Variants in VPS8 observed in about 807,000 individuals in gnomAD.
VPS8 encodes the protein vacuolar protein sorting-associated protein 8 homolog.
VPS8 carries 129 observed loss-of-function variants against 216.4 expected under a neutral mutation model. The observed-to-expected ratio is 0.60, with a 90% confidence interval of 0.52 to 0.69. The LOEUF (loss-of-function observed/expected upper bound fraction) is 0.69. Ranked by LOEUF, VPS8 falls within the 30% of genes least tolerant of loss-of-function variation. The probability of loss-of-function intolerance (pLI) is 0.00; values close to 1 mark genes in which losing one functional copy is unlikely to be tolerated. For synonymous variants in VPS8, 571 were observed against 565.4 expected, an observed-to-expected ratio of 1.01 and a Z score of -0.14; for missense variants, 1,531 against 1,683.5, an observed-to-expected ratio of 0.91 and a Z score of 1.59.
chr3:185,032,909 C>T (rs577402632), intron 46 of VPS8, among the ~76,000 whole-genome samples: 4 of 152,110 alleles, frequency 2.6e-5, no homozygotes, highest in East Asian at 3.9e-4. Flanking sequence ...CCTCGTGATC[C>T]GCCTGCCTGG....
chr3:184,904,560 T>C (rs1560607230), intron 25 of VPS8, among the ~76,000 whole-genome samples: 3 of 152,244 alleles, frequency 2.0e-5, no homozygotes, highest in Admixed American at 2.0e-4. Flanking sequence ...GTATATAATC[T>C]TTTAAATATG....
In VPS8 at chr3:184,849,193, C is replaced by G. The variant is rs758865547; in HGVS notation, c.664C>G (p.Gln222Glu). ...SRLLCGFAKG[Q>E]ITMWDLASGK... The stretch of plus-strand genomic sequence containing the variant: ...ACTTCTTTGTGGCTTTGCTAAAGGA[C>G]AGGTAAGATATGAACCTCCTTTAAT... Residue 222 changes from glutamine (Q) to glutamate (E), a missense_variant and splice_region_variant, in exon 9 of 48, where the codon CAG becomes GAG. Physicochemically the swap from Gln to Glu is conservative, Grantham distance 29. Coordinates refer to ENST00000625842, the MANE Select transcript of VPS8 (RefSeq NM_001009921.3). The G allele has an allele frequency of 6.2e-7, 1 of 1,612,754 alleles. No individual in the cohort carries two copies. Among genetic ancestry groups the G allele is most frequent in the Non-Finnish European group, 8.5e-7 (1 of 1,179,142 alleles).
chr3:184,886,518 CAT>C (rs1392608086), intron 22 of VPS8, among the ~76,000 whole-genome samples: 6 of 144,546 alleles, frequency 4.2e-5, no homozygotes, highest in South Asian at 2.2e-4. Context: ...TACACACACA[CAT>C]ACACATATAC....
At chr3:184,859,561 C>T (rs1725890747) in intron 14 of VPS8, among the ~76,000 whole-genome samples, 3 of 152,130 alleles carry the variant, frequency 2.0e-5, no homozygotes, top group African/African-American at 7.2e-5. Context: ...TTTTTGAGTC[C>T]TCTCATAATA....
chr3:184,884,371 C>T (rs1161738425), intron 21 of VPS8, among the ~76,000 whole-genome samples: 1 of 152,130 alleles, frequency 6.6e-6, no homozygotes, highest in Non-Finnish European at 1.5e-5. Context: ...TGGTTTCCAG[C>T]TTCATCCATG....
chr3:184,848,239 T>C (rs993986210), intron 8 of VPS8, among the ~76,000 whole-genome samples: 6 of 152,302 alleles, frequency 3.9e-5, no homozygotes, highest in Non-Finnish European at 7.4e-5. Flanking sequence ...ATTTTGATGT[T>C]TGAAATAATT....
intron 47 of VPS8, among the ~76,000 whole-genome samples, chr3:185,050,310 T>C (rs1713927497): frequency 6.6e-6 from 1 of 152,082 alleles, no homozygotes; most frequent in African/African-American, 2.4e-5. Flanking sequence ...AGTGGACTCT[T>C]GGCCCCTGGA....
At chr3:185,001,002 A>G (rs767333019) in intron 45 of VPS8, among the ~76,000 whole-genome samples, 40 of 151,834 alleles carry the variant, frequency 2.6e-4, no homozygotes, top group Non-Finnish European at 4.3e-4. Context: ...TAGAACTTCT[A>G]CTCTCCAGTG....
At chr3:184,905,123 C>A (rs1026319954) in intron 25 of VPS8, among the ~76,000 whole-genome samples, 5 of 152,132 alleles carry the variant, frequency 3.3e-5, no homozygotes, top group African/African-American at 1.2e-4. Flanking sequence ...TTTTTTACTA[C>A]AGCATTAATC....
intron 34 of VPS8, among the ~76,000 whole-genome samples, chr3:184,933,818 T>C (rs887396902): frequency 5.3e-5 from 8 of 152,200 alleles, no homozygotes; most frequent in African/African-American, 1.7e-4. Flanking sequence ...CTGGGCCTTC[T>C]GTTCCATTGG....
chr3:184,999,307 C>A (rs1267827787), intron 44 of VPS8, among the ~76,000 whole-genome samples: 1 of 152,242 alleles, frequency 6.6e-6, no homozygotes, highest in East Asian at 1.9e-4. Context: ...GATCTGCCCA[C>A]CTCGGCCTCC....
chr3:184,987,236 C>T (rs1283772938), intron 42 of VPS8, among the ~76,000 whole-genome samples: 4 of 152,116 alleles, frequency 2.6e-5, no homozygotes, highest in Non-Finnish European at 5.9e-5. Context: ...GCGTCAGCCT[C>T]CCAAATGGCT....
intron 25 of VPS8, chr3:184,901,226 C>A: frequency 2.5e-6 from 1 of 407,444 alleles, no homozygotes; most frequent in South Asian, 5.6e-5. Context: ...TGTCACTATA[C>A]TTCATGTAAA....
At chr3:185,029,774 G>A (rs978490760) in intron 46 of VPS8, among the ~76,000 whole-genome samples, 1 of 152,106 alleles carries the variant, frequency 6.6e-6, no homozygotes, top group African/African-American at 2.4e-5. Context: ...ATGTTGGCCA[G>A]GCTGGTCTCA....
chr3:184,851,289 G>A (rs541751899), intron 10 of VPS8, among the ~76,000 whole-genome samples: 23 of 152,318 alleles, frequency 1.5e-4, no homozygotes, highest in African/African-American at 5.1e-4. Context: ...TGACAATGGT[G>A]ATGAAGGTGG....
intron 4 of VPS8, among the ~76,000 whole-genome samples, chr3:184,834,008 A>G (rs911075087): frequency 2.0e-5 from 3 of 152,182 alleles, no homozygotes; most frequent in African/African-American, 4.8e-5. Flanking sequence ...TAGTGATACA[A>G]AGTAGGTGCT....
chr3:184,867,018 T>A, intron 17 of VPS8, 68 bp downstream of exon 17: 1 of 1,453,112 alleles, frequency 6.9e-7, no homozygotes, highest in Non-Finnish European at 9.5e-7. Context: ...AGGAGATTGC[T>A]GGTAAAGAGG....
intron 37 of VPS8, among the ~76,000 whole-genome samples, chr3:184,959,167 T>G (rs1746087584): frequency 6.6e-6 from 1 of 152,178 alleles, no homozygotes; most frequent in Non-Finnish European, 1.5e-5. Flanking sequence ...AGTGACATTC[T>G]TTACTTACTG....
chr3:184,971,714 C>G lies in VPS8; in HGVS notation c.3382C>G (p.Gln1128Glu). 3 of 1,613,324 alleles carry G rather than the reference C, an allele frequency of 1.9e-6. No individual in the cohort carries two copies. Among genetic ancestry groups the G allele is most frequent in the Non-Finnish European group, 2.5e-6 (3 of 1,179,548 alleles). ...DTMVETIALCQRNSHNLNQQQ... is the reference protein window; with the variant it reads ...DTMVETIALCERNSHNLNQQQ... Reference sequence around the variant, plus strand: ...TATGGTGGAGACCATTGCTCTTTGCCAGAGAAATTCACATAATTTGAACCA... The same window carrying G: ...TATGGTGGAGACCATTGCTCTTTGCGAGAGAAATTCACATAATTTGAACCA... Residue 1128 changes from glutamine (Q) to glutamate (E), a missense_variant, in exon 40 of 48, where the codon CAG becomes GAG. Coordinates refer to ENST00000625842, the MANE Select transcript of VPS8 (RefSeq NM_001009921.3).
Sources: gnomAD v4.1 joint callset for allele counts (sites outside exome capture counted in the v4.1 genomes callset) on GRCh38, gnomAD v4.1.1 for gene constraint, MANE v1.5 for transcripts, NCBI Gene and HGNC (gene_info 2026-07-23, HGNC 2026-07-21) for gene names.